The following PHKB variants were observed in gnomAD, a reference collection of about 807,000 sequenced individuals.
The protein encoded by PHKB is phosphorylase kinase regulatory subunit beta.
A neutral mutation model predicts 152.1 loss-of-function variants in PHKB; 122 were observed. The observed-to-expected ratio is 0.80, with a 90% confidence interval of 0.69 to 0.93. The LOEUF (loss-of-function observed/expected upper bound fraction) is 0.93. Among genes scored for constraint, PHKB ranks in the 40% least tolerant of loss-of-function variants. PHKB has a pLI of 0.00. For synonymous variants in PHKB, 436 were observed against 464.9 expected (o/e 0.94, Z 0.80); for missense variants, 1,304 against 1,328.4 (o/e 0.98, Z 0.29).
At chr16:47,517,983 A>G (rs1030337986) in intron 6 of PHKB, among the ~76,000 whole-genome samples, 5 of 152,198 alleles carry the variant, frequency 3.3e-5, no homozygotes, top group South Asian at 4.1e-4. Context: ...TCAGTTAATG[A>G]AATTCTTTTT....
At chr16:47,668,528 A>G (rs1228996476) in intron 25 of PHKB, among the ~76,000 whole-genome samples, 1 of 152,176 alleles carries the variant, frequency 6.6e-6, no homozygotes, top group Admixed American at 6.5e-5. Flanking sequence ...TATAGAGGAG[A>G]GAGAGAGACC....
Position 47,689,147 on chromosome 16 carries a change from G to T in PHKB, c.2737G>T (p.Asp913Tyr). The T allele has an allele frequency of 6.2e-7, 1 of 1,613,922 alleles. No individual in the cohort carries two copies. Among genetic ancestry groups the T allele is most frequent in the Non-Finnish European group, 8.5e-7 (1 of 1,179,914 alleles). Residue 913 changes from aspartate to tyrosine, a missense_variant, in exon 27 of 31, where the codon GAT becomes TAT. Physicochemically the swap from Asp to Tyr is radical, Grantham distance 160. Transcript: ENST00000323584. ...TAGTGAAGTTAAACAGCTTCTGCTG[G>T]ATATTCTGCAGCCTCAACAGAATGG... ...SPSEVKQLLL[D>Y]ILQPQQNGRC...
intron 1 of PHKB, among the ~76,000 whole-genome samples, chr16:47,480,536 G>A (rs1313296708): frequency 6.6e-6 from 1 of 152,176 alleles, no homozygotes; most frequent in Admixed American, 6.5e-5. Flanking sequence ...TCTTTGAAAA[G>A]TAGAGGAAAC....
At chr16:47,597,648 C>T (rs887871824) in intron 13 of PHKB, among the ~76,000 whole-genome samples, 2 of 148,734 alleles carry the variant, frequency 1.3e-5, no homozygotes. Flanking sequence ...GGGGGAAAGA[C>T]ACATGAAATA....
chr16:47,660,873 C>G, intron 22 of PHKB, 54 bp downstream of exon 22: 4 of 1,549,010 alleles, frequency 2.6e-6, no homozygotes, highest in Non-Finnish European at 3.6e-6. Context: ...GGAGCAGAAG[C>G]TCCCAGAATC....
chr16:47,675,280 G>A (rs1028686593), intron 26 of PHKB, among the ~76,000 whole-genome samples: 1 of 152,140 alleles, frequency 6.6e-6, no homozygotes, highest in African/African-American at 2.4e-5. Flanking sequence ...GGCTATGCCT[G>A]CTTTGGTGTC....
chr16:47,464,867 T>C (rs1309764943), intron 1 of PHKB, among the ~76,000 whole-genome samples: 1 of 152,216 alleles, frequency 6.6e-6, no homozygotes, highest in Non-Finnish European at 1.5e-5. Context: ...TTTTCTATAA[T>C]GCCTCTTAAG....
intron 7 of PHKB, among the ~76,000 whole-genome samples, chr16:47,557,221 C>G (rs892673000): frequency 3.3e-5 from 5 of 152,144 alleles, no homozygotes; most frequent in Non-Finnish European, 5.9e-5. Context: ...ACACCTTATA[C>G]AAAAATTAAT....
At chr16:47,496,435 A>T (rs1285416734) in intron 1 of PHKB, among the ~76,000 whole-genome samples, 1 of 152,076 alleles carries the variant, frequency 6.6e-6, no homozygotes, top group Non-Finnish European at 1.5e-5. Context: ...TTTTATGAGT[A>T]TAAAGGCTTT....
Position 47,669,174 on chromosome 16 carries a change from G to A in PHKB, c.2428-41G>A, listed in dbSNP as rs115778527. 1.3e-4 allele frequency: 190 copies of A among 1,482,754 alleles called. 1 individual carries two copies. In the African/African-American group the frequency reaches 1.6e-3, roughly 12 times the overall value. 91.8% of individuals were successfully genotyped at this position (1,482,754 alleles called of 1,614,324 possible). A position where few individuals can be genotyped will look rare whatever the true frequency, so the allele number is the denominator to read the frequency against. On this transcript the variant is annotated intron_variant, in intron 25 of 30. Coordinates refer to ENST00000323584, the MANE Select transcript of PHKB (RefSeq NM_000293.3). ...ATTTTTTTTTAATTTTTATCTTTTAGTAGCTAGGAGAATTTTACAATAAAA... is the reference window on the plus strand; with the variant it reads ...ATTTTTTTTTAATTTTTATCTTTTAATAGCTAGGAGAATTTTACAATAAAA...
chr16:47,635,745 C>T (rs1487481132), intron 14 of PHKB, among the ~76,000 whole-genome samples: 1 of 152,230 alleles, frequency 6.6e-6, no homozygotes, highest in East Asian at 1.9e-4. Flanking sequence ...AGCACAGAAT[C>T]TGCAGTCAGA....
At chr16:47,677,810 G>C (rs1164319308) in intron 26 of PHKB, among the ~76,000 whole-genome samples, 1 of 150,554 alleles carries the variant, frequency 6.6e-6, no homozygotes, top group Non-Finnish European at 1.5e-5. Flanking sequence ...GGTTACATGT[G>C]CACAATGTGC....
chr16:47,613,189 C>T (rs922946103), intron 14 of PHKB, among the ~76,000 whole-genome samples: 1 of 152,180 alleles, frequency 6.6e-6, no homozygotes, highest in Non-Finnish European at 1.5e-5. Context: ...GAAGCTGTTA[C>T]ACTTAGACTT....
chr16:47,601,463 T>C (rs1972224646), intron 13 of PHKB, among the ~76,000 whole-genome samples: 1 of 152,100 alleles, frequency 6.6e-6, no homozygotes, highest in South Asian at 2.1e-4. Context: ...CCCAGCACTT[T>C]GGAAGGCCGA....
chr16:47,568,572 G>T (rs1971606567), intron 7 of PHKB, among the ~76,000 whole-genome samples: 1 of 151,972 alleles, frequency 6.6e-6, no homozygotes, highest in Non-Finnish European at 1.5e-5. Context: ...CTAGCTTTGG[G>T]TTTGGTTTGT....
At chr16:47,642,512 AC>A (rs1973043003) in intron 16 of PHKB, among the ~76,000 whole-genome samples, 1 of 152,228 alleles carries the variant, frequency 6.6e-6, no homozygotes, top group Non-Finnish European at 1.5e-5. Flanking sequence ...CAACATAAGA[AC>A]AAACTGCTCA....
intron 7 of PHKB, among the ~76,000 whole-genome samples, chr16:47,569,352 T>G (rs1037112025): frequency 3.9e-5 from 6 of 152,230 alleles, no homozygotes; most frequent in Non-Finnish European, 5.9e-5. Flanking sequence ...CATTCATGTG[T>G]AATATATTTT....
At chr16:47,644,847 G>A (rs1430874460) in intron 16 of PHKB, among the ~76,000 whole-genome samples, 1 of 152,088 alleles carries the variant, frequency 6.6e-6, no homozygotes, top group Non-Finnish European at 1.5e-5. Flanking sequence ...CAAACAGCCT[G>A]GCATATCAAA....
chr16:47,498,072 TG>T (rs1054936741), intron 2 of PHKB, among the ~76,000 whole-genome samples: 1 of 152,204 alleles, frequency 6.6e-6, no homozygotes, highest in Non-Finnish European at 1.5e-5. Context: ...TTAATCTTTT[TG>T]TCAGTTTACC....
Sources: allele counts gnomAD v4.1 joint callset (sites outside exome capture counted in the v4.1 genomes callset), GRCh38; gene constraint gnomAD v4.1.1; transcripts MANE v1.5; gene names NCBI Gene and HGNC (gene_info 2026-07-23, HGNC 2026-07-21).